Variants in LRRC74A observed in about 807,000 individuals in gnomAD.
The protein encoded by LRRC74A is leucine rich repeat containing 74A.
Under a neutral mutation model 57.9 loss-of-function variants are expected in LRRC74A, and 44 were observed. The observed-to-expected ratio is 0.76, with a 90% CI of 0.60 to 0.98. The LOEUF is 0.98. Among genes scored for constraint, LRRC74A ranks in the 50% least tolerant of loss-of-function variants. The probability of loss-of-function intolerance (pLI) is 0.00; values close to 1 mark genes in which losing one functional copy is unlikely to be tolerated. For missense variants in LRRC74A, 572 were observed against 574.0 expected (o/e 1.00, Z 0.04); for synonymous variants, 211 against 219.4 (o/e 0.96, Z 0.34).
At position 76,838,389 on chromosome 14, in the gene LRRC74A, T is replaced by C. The variant is rs199979212; in HGVS notation, c.544+418T>C. Among the ~76,000 whole-genome samples the C allele has an allele frequency of 3.3e-5, 5 of 152,318 alleles. No homozygotes were observed. In the East Asian group the frequency reaches 5.8e-4, roughly 18 times the overall value. The stretch of plus-strand genomic sequence containing the variant: ...CCAAGGGTTTCTTACAATGAAAAAT[T>C]TATAGTCACTGATATTAAAGACTGA... On this transcript the variant is annotated intron_variant, in intron 5 of 13. Transcript: ENST00000689127.
At chr14:76,851,097 C>G (rs1897451830) in intron 7 of LRRC74A, among the ~76,000 whole-genome samples, 1 of 152,208 alleles carries the variant, frequency 6.6e-6, no homozygotes. Flanking sequence ...CAGGTCAAAA[C>G]AAAAGTATGA....
At chr14:76,840,050 G>A (rs966362817) in intron 5 of LRRC74A, among the ~76,000 whole-genome samples, 4 of 152,108 alleles carry the variant, frequency 2.6e-5, no homozygotes, top group African/African-American at 7.2e-5. Context: ...CTTTCTTGTA[G>A]CAAAGTTTAT....
At chr14:76,863,999 A>AC (rs1898542113) in intron 11 of LRRC74A, among the ~76,000 whole-genome samples, 1 of 152,076 alleles carries the variant, frequency 6.6e-6, no homozygotes, top group African/African-American at 2.4e-5. Context: ...ATCCATTCTG[A>AC]CCCCCAGCTG....
At chr14:76,843,630 T>C (rs929479603) in intron 5 of LRRC74A, among the ~76,000 whole-genome samples, 1 of 152,168 alleles carries the variant, frequency 6.6e-6, no homozygotes, top group Non-Finnish European at 1.5e-5. Context: ...AGTTGCCTTG[T>C]TCTCTTTTGT....
At chr14:76,828,577 G>A in intron 2 of LRRC74A, 158 bp downstream of exon 2, 3 of 1,118,298 alleles carry the variant, frequency 2.7e-6, no homozygotes, top group South Asian at 1.3e-5. Flanking sequence ...TTTGCCTGGA[G>A]TCCTCCTCCG....
chr14:76,856,069 C>G (rs1595385819), intron 9 of LRRC74A, among the ~76,000 whole-genome samples: 1 of 152,218 alleles, frequency 6.6e-6, no homozygotes, highest in Admixed American at 6.5e-5. Flanking sequence ...CTTCTCCAAG[C>G]CTATAAGGTT....
Position 76,844,952 on chromosome 14 carries a change from C to T in LRRC74A, c.676+51C>T, listed in dbSNP as rs139528403. 838 of 968,622 alleles carry T rather than the reference C, an allele frequency of 8.7e-4. 1 individual carries two copies. The highest frequency in any genetic ancestry group is 1.2e-3 in the Non-Finnish European group (713 of 606,518). The allele number at this position is 968,622 out of a possible 1,614,324, so 60.0% of individuals were successfully genotyped here. A position where few individuals can be genotyped will look rare whatever the true frequency, so the allele number is the denominator to read the frequency against. ...GCAAAGGGGAGGGATAGGGAAGAAT[C>T]ACTTGGCAGAGCGGAATCTCCCTTT... On this transcript the variant is annotated intron_variant, in intron 7 of 13. Coordinates refer to ENST00000689127, the MANE Select transcript of LRRC74A (RefSeq NM_001385106.1).
chr14:76,849,508 A>T (rs929309217), intron 7 of LRRC74A, among the ~76,000 whole-genome samples: 1 of 151,974 alleles, frequency 6.6e-6, no homozygotes, highest in East Asian at 1.9e-4. Context: ...AGCTTTTAAA[A>T]ACACTTACTA....
intron 12 of LRRC74A, 84 bp from the exon 13 acceptor site, chr14:76,867,272 G>T (rs1435761552): frequency 3.2e-5 from 13 of 407,690 alleles, no homozygotes; most frequent in Non-Finnish European, 5.5e-5. Context: ...GTGTGTGTTG[G>T]GGGGGTAGTG....
At chr14:76,827,995 G>T (rs1895697843) in intron 1 of LRRC74A, among the ~76,000 whole-genome samples, 1 of 152,228 alleles carries the variant, frequency 6.6e-6, no homozygotes, top group African/African-American at 2.4e-5. Context: ...ATGGGAAAGT[G>T]TGAGCAAGGA....
intron 13 of LRRC74A, among the ~76,000 whole-genome samples, chr14:76,868,633 A>T (rs1474002340): frequency 6.6e-6 from 1 of 152,148 alleles, no homozygotes. Flanking sequence ...CTGGGTCTGC[A>T]GCTGAGCTCC....
chr14:76,834,717 G>A (rs1896198983), intron 3 of LRRC74A, among the ~76,000 whole-genome samples: 1 of 152,136 alleles, frequency 6.6e-6, no homozygotes, highest in Non-Finnish European at 1.5e-5. Context: ...TGGGGACTGG[G>A]CCTCCTGCTT....
intron 7 of LRRC74A, among the ~76,000 whole-genome samples, chr14:76,847,323 A>T (rs936017568): frequency 6.6e-6 from 1 of 152,202 alleles, no homozygotes; most frequent in Admixed American, 6.5e-5. Flanking sequence ...GGATTAAAAA[A>T]ATTTGGTGCA....
rs759459476 is a variant in LRRC74A, at chr14:76,860,673, C to A, written c.1054-20C>A. On this transcript the variant is annotated intron_variant, in intron 10 of 13. Coordinates refer to ENST00000689127, the MANE Select transcript of LRRC74A (RefSeq NM_001385106.1). ...TGGCAGTGCCCTCATCATCATGGGT[C>A]CCCTCTCTCCCTGTCACAGAACGTG... 9 of 1,587,478 alleles carry A rather than the reference C, an allele frequency of 5.7e-6. No individual in the cohort carries two copies. Among genetic ancestry groups the A allele is most frequent in the Non-Finnish European group, 7.7e-6 (9 of 1,163,552 alleles).
At chr14:76,836,369 A>C in intron 4 of LRRC74A, 55 bp downstream of exon 4, 2 of 1,337,158 alleles carry the variant, frequency 1.5e-6, no homozygotes, top group Non-Finnish European at 2.1e-6. Flanking sequence ...TTCACAACCC[A>C]CTGGAGACAA....
intron 7 of LRRC74A, among the ~76,000 whole-genome samples, chr14:76,850,637 C>T (rs930996749): frequency 2.6e-5 from 4 of 152,032 alleles, no homozygotes; most frequent in East Asian, 1.9e-4. Context: ...GAGTCCGAGG[C>T]GGGTGGATCA....
intron 1 of LRRC74A, among the ~76,000 whole-genome samples, chr14:76,827,797 T>C (rs1895678870): frequency 6.6e-6 from 1 of 152,202 alleles, no homozygotes; most frequent in Non-Finnish European, 1.5e-5. Context: ...TCTCTCTTGC[T>C]CTCTGGAACT....
intron 3 of LRRC74A, among the ~76,000 whole-genome samples, chr14:76,831,637 T>C (rs1038237018): frequency 6.6e-6 from 1 of 152,148 alleles, no homozygotes; most frequent in African/African-American, 2.4e-5. Context: ...TACTCTTTGC[T>C]GTTCAGGAAG....
In LRRC74A at chr14:76,828,344, G is replaced by A; in HGVS notation, c.91G>A (p.Glu31Lys). The A allele has an allele frequency of 6.2e-7, 1 of 1,613,532 alleles. No homozygotes were observed. The highest frequency in any genetic ancestry group is 2.2e-5 in the East Asian group (1 of 44,866). ...GAGCAGCGATAAAATGCTCTACTGT[G>A]AGGCCGAATCCCCGCCGACTGTTGA... ...RQSSDKMLYCEAESPPTVEKV... is the reference protein window; with the variant it reads ...RQSSDKMLYCKAESPPTVEKV... Residue 31 changes from glutamate (E) to lysine (K), a missense_variant, in exon 2 of 14, where the codon GAG becomes AAG. By Grantham distance (56) the Glu-to-Lys change is moderately conservative (BLOSUM62 1). Transcript: ENST00000689127.
Sources: gnomAD v4.1 joint callset for allele counts (sites outside exome capture counted in the v4.1 genomes callset) on GRCh38, gnomAD v4.1.1 for gene constraint, MANE v1.5 for transcripts, NCBI Gene and HGNC (gene_info 2026-07-23, HGNC 2026-07-21) for gene names.